BFAR: variants seen among roughly 807,000 people sequenced by gnomAD.
BFAR encodes RING finger protein 47.
Under a neutral mutation model 54.4 loss-of-function variants are expected in BFAR, and 52 were observed. The observed-to-expected ratio is 0.96, with a 90% CI of 0.77 to 1.21. The LOEUF is 1.21. Ranked by LOEUF, BFAR falls within the 50% of genes most tolerant of loss-of-function variation. The pLI is 0.00. For synonymous variants in BFAR, 215 were observed against 204.3 expected, an observed-to-expected ratio of 1.05 and a Z score of -0.45; for missense variants, 571 against 534.0, an observed-to-expected ratio of 1.07 and a Z score of -0.68.
chr16:14,636,913 C>T (rs987344362), intron 1 of BFAR, among the ~76,000 whole-genome samples: 6 of 152,144 alleles, frequency 3.9e-5, no homozygotes, highest in Non-Finnish European at 4.4e-5. Context: ...CATCTTGTAC[C>T]GCCCGTAATC....
At chr16:14,659,786 A>G (rs989359068) in intron 5 of BFAR, among the ~76,000 whole-genome samples, 9 of 151,986 alleles carry the variant, frequency 5.9e-5, no homozygotes, top group Admixed American at 1.3e-4. Flanking sequence ...TCCTGACCTC[A>G]GGTGATCTGC....
chr16:14,653,671 A>G (rs192918103), intron 4 of BFAR, among the ~76,000 whole-genome samples: 188 of 152,232 alleles, frequency 1.2e-3, no homozygotes, highest in African/African-American at 4.1e-3. Context: ...GGGATCTCCA[A>G]TTATTTTTAT....
chr16:14,654,367 AAAAT>A (rs1453057757), intron 4 of BFAR, among the ~76,000 whole-genome samples: 7 of 152,038 alleles, frequency 4.6e-5, no homozygotes, highest in African/African-American at 1.2e-4. Flanking sequence ...GTAATATAAA[AAAAT>A]AAATAAAAAT....
intron 7 of BFAR, among the ~76,000 whole-genome samples, chr16:14,665,957 T>A (rs1227546527): frequency 1.3e-5 from 2 of 152,168 alleles, no homozygotes; most frequent in Non-Finnish European, 2.9e-5. Flanking sequence ...GACTGGACCC[T>A]GAGACCCAAA....
At chr16:14,659,387 G>A (rs1456101542) in intron 5 of BFAR, among the ~76,000 whole-genome samples, 7 of 148,508 alleles carry the variant, frequency 4.7e-5, no homozygotes, top group African/African-American at 1.2e-4. Context: ...GACTACAGGT[G>A]CCCACCACCA....
chr16:14,648,653 C>A, intron 3 of BFAR, 61 bp downstream of exon 3: 1 of 1,166,158 alleles, frequency 8.6e-7, no homozygotes, highest in Non-Finnish European at 1.2e-6. Flanking sequence ...CCCCTGATTT[C>A]CACTGAAGTC....
chr16:14,637,976 A>AGTATT (rs1959506137), intron 1 of BFAR, among the ~76,000 whole-genome samples: 2 of 151,990 alleles, frequency 1.3e-5, no homozygotes, highest in Admixed American at 1.3e-4. Flanking sequence ...AATACAGGCA[A>AGTATT]TCATTGCGAA....
In BFAR at chr16:14,655,207, T is replaced by A; in HGVS notation, c.780T>A (p.Tyr260Ter). Reference sequence around the variant, plus strand: ...AGCCCCCCCAGAATCTCTGGGAATATAAGGTGAACACTTTAATTTTTTTTT... The same window carrying A: ...AGCCCCCCCAGAATCTCTGGGAATAAAAGGTGAACACTTTAATTTTTTTTT... Reference protein sequence around the residue: ...GVKPPQNLWEYKAVNPGRSLF... With the variant: ...GVKPPQNLWE Residue 260 changes from tyrosine (Y) to a stop codon, truncating the protein, a stop_gained, in exon 5 of 8, where the codon TAT becomes TAA. Coordinates refer to ENST00000261658, the MANE Select transcript of BFAR (RefSeq NM_016561.3). LOFTEE classifies it high-confidence loss of function. 2 of 1,443,460 alleles carry A rather than the reference T, an allele frequency of 1.4e-6. No individual in the cohort carries two copies. The highest frequency in any genetic ancestry group is 3.3e-5 in the South Asian group (2 of 59,868). 89.4% of individuals were successfully genotyped at this position (1,443,460 alleles called of 1,614,324 possible).
At chr16:14,659,483 A>G (rs1218405045) in intron 5 of BFAR, among the ~76,000 whole-genome samples, 4 of 151,224 alleles carry the variant, frequency 2.6e-5, no homozygotes, top group Admixed American at 2.0e-4. Flanking sequence ...ACCTCAGGCA[A>G]TCTGCCTGCA....
chr16:14,652,722 T>C (rs1421754312), intron 4 of BFAR, among the ~76,000 whole-genome samples: 1 of 149,194 alleles, frequency 6.7e-6, no homozygotes, highest in Non-Finnish European at 1.5e-5. Context: ...TATAAATGTG[T>C]TTTTTTTAAT....
intron 5 of BFAR, among the ~76,000 whole-genome samples, chr16:14,656,643 T>C (rs1157279585): frequency 6.6e-6 from 1 of 152,158 alleles, no homozygotes; most frequent in Non-Finnish European, 1.5e-5. Context: ...ACTCCAATGT[T>C]TGATTAACGG....
At chr16:14,645,394 T>C (rs562104227) in intron 2 of BFAR, among the ~76,000 whole-genome samples, 1 of 152,212 alleles carries the variant, frequency 6.6e-6, no homozygotes, top group Non-Finnish European at 1.5e-5. Flanking sequence ...ATTTTAATAA[T>C]CTTTAGATAA....
At chr16:14,659,699 C>T (rs763543784) in intron 5 of BFAR, among the ~76,000 whole-genome samples, 4 of 151,598 alleles carry the variant, frequency 2.6e-5, no homozygotes, top group Non-Finnish European at 4.4e-5. Flanking sequence ...TACAGGCACC[C>T]GCCACCATGC....
chr16:14,644,444 C>T lies in BFAR; in HGVS notation c.98C>T (p.Ser33Phe). The change falls in exon 2 of 8, where the codon TCT becomes TTT. Residue 33 changes from serine to phenylalanine, a missense_variant. Physicochemically the swap from Ser to Phe is radical, Grantham distance 155. Transcript: ENST00000261658. ...TGPQISVSEF[S>F]CHCCYDILVN... ...CCTCAGATTTCTGTTAGTGAATTTT[C>T]TTGCCACTGCTGCTACGACATCCTG... 6.2e-7 allele frequency: 1 copy of T among 1,614,074 alleles called. No homozygotes were observed. Among genetic ancestry groups the T allele is most frequent in the Non-Finnish European group, 8.5e-7 (1 of 1,180,006 alleles).
intron 7 of BFAR, 126 bp from the exon 8 acceptor site, chr16:14,667,507 CAG>C: frequency 1.2e-6 from 1 of 856,664 alleles, no homozygotes; most frequent in Non-Finnish European, 1.8e-6. Flanking sequence ...GCACCGGGGA[CAG>C]AAGACAAGGA....
chr16:14,640,373 C>T (rs953747829), intron 1 of BFAR, among the ~76,000 whole-genome samples: 2 of 152,028 alleles, frequency 1.3e-5, no homozygotes, highest in African/African-American at 4.8e-5. Context: ...AGCAAGCTGA[C>T]GCTGGCACGG....
At chr16:14,634,862 G>A (rs1307024160) in intron 1 of BFAR, among the ~76,000 whole-genome samples, 1 of 152,132 alleles carries the variant, frequency 6.6e-6, no homozygotes, top group East Asian at 1.9e-4. Flanking sequence ...ATGAGAAAAC[G>A]TACACAAATA....
intron 2 of BFAR, among the ~76,000 whole-genome samples, chr16:14,645,516 G>C (rs1959766896): frequency 6.6e-6 from 1 of 152,120 alleles, no homozygotes; most frequent in African/African-American, 2.4e-5. Context: ...TAATGTACCT[G>C]TGAAGGCTCT....
intron 1 of BFAR, among the ~76,000 whole-genome samples, chr16:14,635,535 A>C (rs905878036): frequency 3.3e-5 from 5 of 152,160 alleles, no homozygotes; most frequent in African/African-American, 1.2e-4. Context: ...GAAAGAGGGC[A>C]GGCTCCAGCG....
Sources: allele counts gnomAD v4.1 joint callset (sites outside exome capture counted in the v4.1 genomes callset), GRCh38; gene constraint gnomAD v4.1.1; transcripts MANE v1.5; gene names NCBI Gene and HGNC (gene_info 2026-07-23, HGNC 2026-07-21).